The following E2F3 variants were observed in gnomAD, a reference collection of about 807,000 sequenced individuals.
E2F3 encodes E2F transcription factor 3.
E2F3 carries 11 observed loss-of-function variants against 44.4 expected under a neutral mutation model. The observed-to-expected ratio is 0.25, with a 90% CI of 0.16 to 0.41. E2F3 has a LOEUF of 0.41. Among genes scored for constraint, E2F3 ranks in the 10% least tolerant of loss-of-function variants. E2F3 has a pLI of 1.00. For missense variants in E2F3, 487 were observed against 583.6 expected, an observed-to-expected ratio of 0.83 and a Z score of 1.70; for synonymous variants, 249 against 253.0, an observed-to-expected ratio of 0.98 and a Z score of 0.15.
At chr6:20,434,050 C>G (rs1760494955) in intron 1 of E2F3, among the ~76,000 whole-genome samples, 1 of 152,160 alleles carries the variant, frequency 6.6e-6, no homozygotes, top group Non-Finnish European at 1.5e-5. Context: ...CTCACCTTAT[C>G]AGGACTGTAA....
At chr6:20,449,885 T>C (rs1761070661) in intron 1 of E2F3, among the ~76,000 whole-genome samples, 1 of 152,212 alleles carries the variant, frequency 6.6e-6, no homozygotes, top group East Asian at 1.9e-4. Context: ...GGTTTTCCGT[T>C]CCTGTGTTAG....
chr6:20,472,853 A>C (rs1423485743), intron 1 of E2F3, among the ~76,000 whole-genome samples: 2 of 152,184 alleles, frequency 1.3e-5, no homozygotes, highest in Non-Finnish European at 2.9e-5. Context: ...ATGTCTGCTT[A>C]AGTAAATAAA....
At position 20,472,865 on chromosome 6, in the gene E2F3, C is replaced by T. The variant is rs949569955; in HGVS notation, c.394-6981C>T. Among the ~76,000 whole-genome samples the T allele has an allele frequency of 3.9e-5, 6 of 152,030 alleles. No individual in the cohort carries two copies. The South Asian group carries it at 8.3e-4, about 21-fold the overall frequency. ...TATATGTCTGCTTAAGTAAATAAAT[C>T]GTGGCATATTAATTAATACAATATT... is the stretch of plus-strand genomic sequence containing the variant. On this transcript the variant is annotated intron_variant, in intron 1 of 6. Transcript: ENST00000346618.
intron 3 of E2F3, 71 bp downstream of exon 3, chr6:20,481,496 C>T: frequency 2.2e-6 from 3 of 1,336,282 alleles, no homozygotes; most frequent in Non-Finnish European, 3.2e-6. Flanking sequence ...CTTAGTTCCT[C>T]ACTTTCACAT....
chr6:20,471,109 T>C (rs1761874534), intron 1 of E2F3, among the ~76,000 whole-genome samples: 1 of 152,256 alleles, frequency 6.6e-6, no homozygotes, highest in African/African-American at 2.4e-5. Context: ...TGGTGTGTGG[T>C]ATGTATCCTT....
intron 1 of E2F3, among the ~76,000 whole-genome samples, chr6:20,470,113 C>A (rs908165206): frequency 2.0e-5 from 3 of 152,194 alleles, no homozygotes; most frequent in Non-Finnish European, 4.4e-5. Flanking sequence ...GCCCATTCAA[C>A]TCCTCTGACT....
intron 1 of E2F3, among the ~76,000 whole-genome samples, chr6:20,462,880 TTTTTTTTTTTTTTTTTG>T (rs1189416434): frequency 1.2e-4 from 14 of 112,492 alleles, no homozygotes; most frequent in African/African-American, 4.2e-4. Context: ...TTTTTTTTTT[TTTTTTTTTTTTTTTTTG>T]AGACAGGGTC....
chr6:20,485,148 T>C (rs1420982972), intron 4 of E2F3, among the ~76,000 whole-genome samples: 4 of 152,156 alleles, frequency 2.6e-5, no homozygotes, highest in Non-Finnish European at 4.4e-5. Context: ...TGTGGGTACA[T>C]ATAAAAAATA....
At chr6:20,469,179 T>C (rs529829779) in intron 1 of E2F3, among the ~76,000 whole-genome samples, 2 of 152,382 alleles carry the variant, frequency 1.3e-5, no homozygotes, top group Non-Finnish European at 2.9e-5. Context: ...CAGTATATTA[T>C]TTGATACTGC....
chr6:20,490,533 G>C lies in E2F3; in HGVS notation c.*103G>C. ...CCCTTCCTACCTTCTTCCTCCAAGA[G>C]AGTATCATGAAGTAAACTACAAACT... On this transcript the variant is annotated 3_prime_UTR_variant, in exon 7 of 7. Coordinates refer to ENST00000346618, the MANE Select transcript of E2F3 (RefSeq NM_001949.5). This position sits in a 1 kb window ranked among gnomAD's most constrained non-coding sequence, Gnocchi z 4.3. The C allele has an allele frequency of 8.3e-7, 1 of 1,203,376 alleles. No individual in the cohort carries two copies. The allele number at this position is 1,203,376 out of a possible 1,614,324, so 74.5% of individuals were successfully genotyped here.
chr6:20,462,533 C>T (rs1761545987), intron 1 of E2F3, among the ~76,000 whole-genome samples: 1 of 151,482 alleles, frequency 6.6e-6, no homozygotes, highest in Admixed American at 6.6e-5. Flanking sequence ...TCTTGGCTCA[C>T]TGCAACCTCC....
At chr6:20,436,147 A>AT (rs1442937804) in intron 1 of E2F3, among the ~76,000 whole-genome samples, 5 of 151,898 alleles carry the variant, frequency 3.3e-5, no homozygotes, top group Non-Finnish European at 7.4e-5. Context: ...CGCCCAGCTA[A>AT]TTTTTGTATT....
intron 1 of E2F3, among the ~76,000 whole-genome samples, chr6:20,478,310 T>G (rs2127619119): frequency 6.6e-6 from 1 of 152,326 alleles, no homozygotes; most frequent in South Asian, 2.1e-4. Context: ...TGTTGAGATA[T>G]TTTACCCTGT....
At chr6:20,487,329 T>C (rs1762423624) in intron 5 of E2F3, among the ~76,000 whole-genome samples, 1 of 152,158 alleles carries the variant, frequency 6.6e-6, no homozygotes, top group Non-Finnish European at 1.5e-5. Flanking sequence ...TAAAGAGTTG[T>C]AGTAAAAAGA....
intron 1 of E2F3, among the ~76,000 whole-genome samples, chr6:20,418,431 A>G (rs762425425): frequency 6.6e-6 from 1 of 152,158 alleles, no homozygotes; most frequent in Non-Finnish European, 1.5e-5. Flanking sequence ...GTCTCTTGCA[A>G]TTTTTGCACC....
chr6:20,487,038 C>T (rs192611293), intron 5 of E2F3, among the ~76,000 whole-genome samples: 159 of 152,334 alleles, frequency 1.0e-3, no homozygotes, highest in African/African-American at 3.6e-3. Context: ...GTATATGATG[C>T]GCTGTCCCTC....
At chr6:20,447,366 G>T (rs1387998116) in intron 1 of E2F3, among the ~76,000 whole-genome samples, 3 of 151,916 alleles carry the variant, frequency 2.0e-5, no homozygotes, top group Admixed American at 2.0e-4. Context: ...GAAAGAGAAA[G>T]AGAACAGAGC....
At chr6:20,403,071 G>T (rs1052111967) in intron 1 of E2F3, among the ~76,000 whole-genome samples, 4 of 152,088 alleles carry the variant, frequency 2.6e-5, no homozygotes, top group Non-Finnish European at 5.9e-5. Flanking sequence ...CTGTTGGGGT[G>T]CTAGCCCCCA....
intron 1 of E2F3, among the ~76,000 whole-genome samples, chr6:20,451,279 G>A (rs1424690137): frequency 2.6e-5 from 4 of 152,080 alleles, no homozygotes; most frequent in African/African-American, 9.7e-5. Context: ...TTGTTGTAGA[G>A]ATCTTTCTAG....
Sources: allele counts gnomAD v4.1 joint callset (sites outside exome capture counted in the v4.1 genomes callset), GRCh38; gene constraint gnomAD v4.1.1; non-coding constraint Gnocchi (gnomAD v3.1); transcripts MANE v1.5; gene names NCBI Gene and HGNC (gene_info 2026-07-23, HGNC 2026-07-21).